The following EPHB2 variants were observed in gnomAD, a reference collection of about 807,000 sequenced individuals.
EPHB2 encodes the protein ephrin type-B receptor 2.
EPHB2 carries 18 observed loss-of-function variants against 96.4 expected under a neutral mutation model. That is an observed-to-expected ratio of 0.19 (90% CI 0.13 to 0.28). The LOEUF (loss-of-function observed/expected upper bound fraction) is 0.28. Among genes scored for constraint, EPHB2 ranks in the 10% least tolerant of loss-of-function variants. The pLI, the probability that EPHB2 is intolerant of heterozygous loss-of-function variation, is 1.00. For synonymous variants in EPHB2, 506 were observed against 534.1 expected, an observed-to-expected ratio of 0.95 and a Z score of 0.72; for missense variants, 989 against 1,355.4, an observed-to-expected ratio of 0.73 and a Z score of 4.25.
intron 3 of EPHB2, among the ~76,000 whole-genome samples, chr1:22,831,960 C>G (rs1326316814): frequency 1.3e-5 from 2 of 152,296 alleles, no homozygotes; most frequent in Non-Finnish European, 2.9e-5. Context: ...GCAAAGGGAG[C>G]CCCTGGAGGG....
At chr1:22,809,679 T>G (rs1220619968) in intron 3 of EPHB2, among the ~76,000 whole-genome samples, 1 of 152,170 alleles carries the variant, frequency 6.6e-6, no homozygotes, top group Non-Finnish European at 1.5e-5. Flanking sequence ...CCCAGGACTG[T>G]CTAACTCTAA....
intron 5 of EPHB2, among the ~76,000 whole-genome samples, chr1:22,869,720 G>C (rs548071468): frequency 6.6e-6 from 1 of 152,280 alleles, no homozygotes; most frequent in East Asian, 1.9e-4. Flanking sequence ...GCCTGGAAAG[G>C]CTTTCTTATC....
At chr1:22,861,143 GACA>G (rs1198724140) in intron 3 of EPHB2, among the ~76,000 whole-genome samples, 7 of 152,192 alleles carry the variant, frequency 4.6e-5, no homozygotes, top group Non-Finnish European at 1.5e-5. Context: ...AATATAAACT[GACA>G]ACAACTCTAG....
At chr1:22,748,431 G>A (rs1644009099) in intron 1 of EPHB2, among the ~76,000 whole-genome samples, 1 of 151,258 alleles carries the variant, frequency 6.6e-6, no homozygotes, top group Admixed American at 6.6e-5. Context: ...GCCCAGGCTG[G>A]AGTGCAGTGG....
intron 1 of EPHB2, among the ~76,000 whole-genome samples, chr1:22,739,215 TG>T (rs1411849943): frequency 3.3e-5 from 5 of 151,956 alleles, no homozygotes; most frequent in Non-Finnish European, 4.4e-5. Flanking sequence ...TAATTCTTTT[TG>T]TTTTTTTTCT....
chr1:22,898,871 C>T (rs1441952889), intron 9 of EPHB2, among the ~76,000 whole-genome samples: 1 of 152,190 alleles, frequency 6.6e-6, no homozygotes, highest in East Asian at 1.9e-4. Context: ...AGGTACGAAG[C>T]CTCTGGGTAA....
chr1:22,837,922 A>G (rs1645408133), intron 3 of EPHB2, among the ~76,000 whole-genome samples: 1 of 152,048 alleles, frequency 6.6e-6, no homozygotes, highest in Non-Finnish European at 1.5e-5. Flanking sequence ...CTCCCTTTCT[A>G]GGCCTCCCCC....
At chr1:22,796,023 G>T (rs1297043357) in intron 3 of EPHB2, among the ~76,000 whole-genome samples, 2 of 152,144 alleles carry the variant, frequency 1.3e-5, no homozygotes, top group Non-Finnish European at 2.9e-5. Flanking sequence ...GGAGCCCAGG[G>T]GTCTCACTCC....
At chr1:22,879,799 GCA>G (rs1251056784) in intron 5 of EPHB2, among the ~76,000 whole-genome samples, 1 of 152,242 alleles carries the variant, frequency 6.6e-6, no homozygotes, top group Non-Finnish European at 1.5e-5. Context: ...GCTACACTGA[GCA>G]CACAACCAGA....
rs1644900622 is a variant in EPHB2 at position 22,804,802 on chromosome 1, T to A, written c.811+19726T>A. Among the ~76,000 whole-genome samples the A allele has an allele frequency of 1.3e-5, 2 of 151,732 alleles. 1 individual carries two copies. The highest frequency in any genetic ancestry group is 4.2e-4 in the South Asian group (2 of 4,776). The stretch of plus-strand genomic sequence containing the variant: ...TGTCCCCTGCTCCTTCAGTGTCCTC[T>A]TGTCTTCCTTTTCCTTGTCTTAGTC... On this transcript the variant is annotated intron_variant, in intron 3 of 15. Transcript: ENST00000374630.
chr1:22,742,121 T>C (rs1643911763), intron 1 of EPHB2, among the ~76,000 whole-genome samples: 3 of 152,174 alleles, frequency 2.0e-5, no homozygotes, highest in Admixed American at 2.0e-4. Flanking sequence ...CCCAGGCCCC[T>C]GCTCATAGGG....
At chr1:22,868,688 A>C (rs1046688999) in intron 5 of EPHB2, among the ~76,000 whole-genome samples, 12 of 152,180 alleles carry the variant, frequency 7.9e-5, no homozygotes, top group Non-Finnish European at 1.8e-4. Context: ...AACAAGTCCC[A>C]CGGCCAAGCC....
chr1:22,852,819 G>A lies in EPHB2; in HGVS notation c.812-10218G>A, dbSNP rs538175885. Among the ~76,000 whole-genome samples, 32 of 152,350 alleles carry A rather than the reference G, an allele frequency of 2.1e-4. No individual in the cohort carries two copies. The East Asian group carries it at 6.2e-3, about 29-fold the overall frequency. ...AGCCGTTATGGAGCATCTGCTCTGTGCCAGCTCTGTACCAGGCAGTCAGCA... is the reference window on the plus strand; with the variant it reads ...AGCCGTTATGGAGCATCTGCTCTGTACCAGCTCTGTACCAGGCAGTCAGCA... On this transcript the variant is annotated intron_variant, in intron 3 of 15. Coordinates refer to ENST00000374630, the MANE Select transcript of EPHB2 (RefSeq NM_017449.5).
rs1414833273 is a variant in EPHB2 at position 22,896,579 on chromosome 1, GCAGA to G, written c.1765+104_1765+107del. 2.0e-6 allele frequency: 3 copies of G among 1,493,104 alleles called. No homozygotes were observed. The East Asian group carries it at 6.8e-5, about 34-fold the overall frequency. 92.5% of individuals were successfully genotyped at this position (1,493,104 alleles called of 1,614,324 possible). A position where few individuals can be genotyped will look rare whatever the true frequency, so the allele number is the denominator to read the frequency against. On this transcript the variant is annotated intron_variant, in intron 9 of 15. Coordinates refer to ENST00000374630, the MANE Select transcript of EPHB2 (RefSeq NM_017449.5). The stretch of plus-strand genomic sequence containing the variant: ...TTGACCTCCTTCTGCCATGCTGCAG[GCAGA>G]CAATGTCAAGTGGTTGCCTGGTTGC...
chr1:22,756,132 C>A (rs1344905281), intron 1 of EPHB2, among the ~76,000 whole-genome samples: 5 of 152,032 alleles, frequency 3.3e-5, no homozygotes, highest in African/African-American at 1.2e-4. Context: ...GCTGGGGGTC[C>A]ATCAGGCTGG....
intron 3 of EPHB2, among the ~76,000 whole-genome samples, chr1:22,815,838 G>A (rs1407360359): frequency 2.0e-5 from 3 of 152,174 alleles, no homozygotes; most frequent in African/African-American, 4.8e-5. Context: ...AGCCCGGGGC[G>A]GTGCTGGAAG....
At chr1:22,874,101 C>T (rs7535750) in intron 5 of EPHB2, among the ~76,000 whole-genome samples, 16,320 of 152,164 alleles carry the variant, frequency 0.11, 1,536 homozygotes, top group East Asian at 0.46. Context: ...TCACCTTCAC[C>T]GCCACCACTA....
intron 12 of EPHB2, among the ~76,000 whole-genome samples, chr1:22,908,404 T>C (rs1274591689): frequency 1.3e-5 from 2 of 152,192 alleles, no homozygotes; most frequent in East Asian, 3.9e-4. Flanking sequence ...CAGCCAGCCT[T>C]GGAGGCAGAG....
chr1:22,781,132 A>G (rs1557669665), intron 1 of EPHB2, among the ~76,000 whole-genome samples: 1 of 151,918 alleles, frequency 6.6e-6, no homozygotes, highest in Non-Finnish European at 1.5e-5. Context: ...CGTCCTGGCT[A>G]ACACGGTGAA....
Sources: gnomAD v4.1 joint callset for allele counts (sites outside exome capture counted in the v4.1 genomes callset) on GRCh38, gnomAD v4.1.1 for gene constraint, MANE v1.5 for transcripts, NCBI Gene and HGNC (gene_info 2026-07-23, HGNC 2026-07-21) for gene names.